TSC22D4: variants seen among roughly 807,000 people sequenced by gnomAD.
TSC22D4 encodes TSC22 domain family member 4.
Under a neutral mutation model 24.9 loss-of-function variants are expected in TSC22D4, and 5 were observed. That is an observed-to-expected ratio of 0.20 (90% CI 0.10 to 0.42). The LOEUF is 0.42. Among genes scored for constraint, TSC22D4 ranks in the 10% least tolerant of loss-of-function variants. The probability of loss-of-function intolerance (pLI) is 1.00; values close to 1 mark genes in which losing one functional copy is unlikely to be tolerated. For missense variants in TSC22D4, 469 were observed against 547.9 expected, an observed-to-expected ratio of 0.86 and a Z score of 1.44; for synonymous variants, 245 against 243.2, an observed-to-expected ratio of 1.01 and a Z score of -0.07.
chr7:100,475,169 T>C (rs368977594), intron 2 of TSC22D4, among the ~76,000 whole-genome samples: 48 of 152,252 alleles, frequency 3.2e-4, no homozygotes, highest in African/African-American at 1.2e-3. Flanking sequence ...CTGTAACCTA[T>C]GCCTTCCAGG....
At chr7:100,468,584 C>A (rs1203637762) in intron 3 of TSC22D4, among the ~76,000 whole-genome samples, 1 of 152,146 alleles carries the variant, frequency 6.6e-6, no homozygotes, top group Non-Finnish European at 1.5e-5. Context: ...CCAGAGAAGA[C>A]CAAAAATGGG....
At chr7:100,467,531 G>T (rs1169040913) in intron 4 of TSC22D4, 21 bp downstream of exon 4, 7 of 1,613,630 alleles carry the variant, frequency 4.3e-6, no homozygotes, top group African/African-American at 1.3e-5. Context: ...GACCTCCTGG[G>T]ACCAAGATGG....
At chr7:100,471,980 C>G (rs568383244) in intron 3 of TSC22D4, among the ~76,000 whole-genome samples, 2 of 152,028 alleles carry the variant, frequency 1.3e-5, no homozygotes, top group Non-Finnish European at 2.9e-5. Flanking sequence ...TTCCTTCCAT[C>G]CACTTCTTCA....
intron 3 of TSC22D4, chr7:100,473,883 CTA>C (rs1392167581): frequency 1.8e-5 from 3 of 165,488 alleles, no homozygotes; most frequent in East Asian, 3.2e-4. Flanking sequence ...TCCCAAAGCA[CTA>C]TGAGTACAGG....
At chr7:100,467,222 C>T (rs1799297520) in intron 4 of TSC22D4, 54 bp from the exon 5 acceptor site, 1 of 1,566,338 alleles carries the variant, frequency 6.4e-7, no homozygotes, top group South Asian at 1.1e-5. Flanking sequence ...TCATCCCCTG[C>T]CCAGTGCCTT....
chr7:100,478,424 C>T, intron 1 of TSC22D4, 117 bp from the exon 2 acceptor site: 2 of 192,814 alleles, frequency 1.0e-5, no homozygotes, highest in East Asian at 1.5e-4. Flanking sequence ...AGGCCACCTC[C>T]GGGGCTTCCT....
rs35439211 is a variant in TSC22D4 at position 100,478,350 on chromosome 7, A to AGTGTGT, written c.-269-49_-269-44dup. 7.7e-3 allele frequency: 644 copies of AGTGTGT among 83,730 alleles called. 11 individuals are homozygous for AGTGTGT. The highest frequency in any genetic ancestry group is 0.015 in the East Asian group (41 of 2,672). 5.2% of individuals were successfully genotyped at this position (83,730 alleles called of 1,614,324 possible). ...GAGAGAGAGAGAGAGAGAGAGAGAG[A>AGTGTGT]GTGTGTGTGTGTGTGTGTGTGTGTG... On this transcript the variant is annotated intron_variant, in intron 1 of 4. Coordinates refer to ENST00000300181, the MANE Select transcript of TSC22D4 (RefSeq NM_030935.5).
Position 100,477,658 on chromosome 7 carries a change from C to A in TSC22D4, c.381G>T (p.Arg127Ser). ...CCAGGCCGAGGCTGGCCAGCTCCAACCTGGAATCCAAAGATCTGCCCCCGG... is the reference window on the plus strand; with the variant it reads ...CCAGGCCGAGGCTGGCCAGCTCCAAACTGGAATCCAAAGATCTGCCCCCGG... ...GGAGGRSLDS[R>S]LELASLGLGA... The change falls in exon 2 of 5, where the codon AGG (arginine) becomes AGT (serine). Residue 127 changes from arginine to serine, a missense_variant. Coordinates refer to ENST00000300181, the MANE Select transcript of TSC22D4 (RefSeq NM_030935.5). The surrounding 1 kb of genome is among the most constrained non-coding windows in gnomAD (Gnocchi z 7.8). 6.3e-7 allele frequency: 1 copy of A among 1,594,012 alleles called. No individual in the cohort carries two copies. Among genetic ancestry groups the A allele is most frequent in the African/African-American group, 1.3e-5 (1 of 74,948 alleles).
chr7:100,467,838 G>C, intron 3 of TSC22D4: 1 of 689,996 alleles, frequency 1.4e-6, no homozygotes, highest in Non-Finnish European at 2.7e-6. Flanking sequence ...GAGAGCAAGG[G>C]GAAGAGGCAC....
chr7:100,472,211 CCCTGTGCACA>C (rs1799404926), intron 3 of TSC22D4, among the ~76,000 whole-genome samples: 1 of 152,288 alleles, frequency 6.6e-6, no homozygotes, highest in African/African-American at 2.4e-5. Context: ...GTCCTGCCAG[CCCTGTGCACA>C]CCAGACAGGA....
chr7:100,477,283 C>T lies in TSC22D4; in HGVS notation c.756G>A (p.Met252Ile). The T allele has an allele frequency of 1.3e-6, 2 of 1,501,942 alleles. No homozygotes were observed. Among genetic ancestry groups the T allele is most frequent in the Non-Finnish European group, 1.8e-6 (2 of 1,124,812 alleles). The allele number at this position is 1,501,942 out of a possible 1,614,324, so 93.0% of individuals were successfully genotyped here. A position where few individuals can be genotyped will look rare whatever the true frequency, so the allele number is the denominator to read the frequency against. Residue 252 changes from methionine (M) to isoleucine (I), a missense_variant, in exon 2 of 5, where the codon ATG becomes ATA. Physicochemically the swap from Met to Ile is conservative, Grantham distance 10 (BLOSUM62 1). Coordinates refer to ENST00000300181, the MANE Select transcript of TSC22D4 (RefSeq NM_030935.5). The surrounding 1 kb of genome is among the most constrained non-coding windows in gnomAD (Gnocchi z 7.8). ...CCTAGAACCCAGGTCTTACCTGCCC[C>T]ATCTCTTCTGGAGCACCCAACTCCA... ...LRMELGAPEE[M>I]GQVPPLDSRP...
chr7:100,473,752 A>ATG (rs1248466810), intron 3 of TSC22D4: 8 of 143,420 alleles, frequency 5.6e-5, no homozygotes, highest in African/African-American at 8.0e-5. Context: ...TACTTCCTTT[A>ATG]TGTATATATA....
chr7:100,467,094 C>G lies in TSC22D4; in HGVS notation c.1053G>C (p.Leu351Phe). 6.2e-7 allele frequency: 1 copy of G among 1,614,152 alleles called. No homozygotes were observed. Among genetic ancestry groups the G allele is most frequent in the African/African-American group, 1.3e-5 (1 of 75,066 alleles). The change falls in exon 5 of 5, where the codon TTG becomes TTC. Residue 351 changes from leucine to phenylalanine, a missense_variant. Physicochemically the swap from Leu to Phe is conservative, Grantham distance 22. Transcript: ENST00000300181. ...GCTCCAGCGCAGCGTTCCGCTCCGC[C>G]AATTCCCGGATCTGCTCCTTCAGCA... ...VEVLKEQIRELAERNAALEQE... is the reference protein window; with the variant it reads ...VEVLKEQIREFAERNAALEQE...
chr7:100,467,357 A>G, intron 4 of TSC22D4, 189 bp from the exon 5 acceptor site: 2 of 838,268 alleles, frequency 2.4e-6, no homozygotes, highest in Non-Finnish European at 3.9e-6. Flanking sequence ...GGGGACCAGT[A>G]GCCAGACTAG....
chr7:100,477,438 C>T lies in TSC22D4; in HGVS notation c.601G>A (p.Gly201Ser), dbSNP rs373217268. ...GCCCGGGATGTGCCCGCACTCTCAC[C>T]GGTCTCAGGCTCTGGGGGGCGCTGC... ...PQQRPPEPET[G>S]ESAGTSRAAT... Residue 201 changes from glycine to serine, a missense_variant, in exon 2 of 5, where the codon GGT becomes AGT. Physicochemically the swap from Gly to Ser is moderately conservative, Grantham distance 56 (BLOSUM62 0). Coordinates refer to ENST00000300181, the MANE Select transcript of TSC22D4 (RefSeq NM_030935.5). This position sits in a 1 kb window ranked among gnomAD's most constrained non-coding sequence, Gnocchi z 7.8. 1.8e-5 allele frequency: 29 copies of T among 1,574,468 alleles called. 1 individual carries two copies. Among genetic ancestry groups the T allele is most frequent in the African/African-American group, 2.7e-5 (2 of 73,520 alleles).
In TSC22D4 at chr7:100,477,877, GC is replaced by G. The variant is rs1229474955; in HGVS notation, c.161del (p.Gly54AlafsTer22). On this transcript the variant is annotated frameshift_variant, in exon 2 of 5. Transcript: ENST00000300181. LOFTEE classifies it high-confidence loss of function. This position sits in a 1 kb window ranked among gnomAD's most constrained non-coding sequence, Gnocchi z 7.8. ...PNGEPSPDPG[G>X]KGTPRNGSPP... ...GGGAGCCATTCCGGGGGGTGCCCTT[GC>G]CCCCCGGATCGGGGCTGGGCTCCCC... The G allele has an allele frequency of 2.5e-6, 4 of 1,581,794 alleles. No homozygotes were observed. Among genetic ancestry groups the G allele is most frequent in the African/African-American group, 1.3e-5 (1 of 74,354 alleles).
chr7:100,476,944 A>G (rs1799507058), intron 2 of TSC22D4, among the ~76,000 whole-genome samples: 1 of 152,022 alleles, frequency 6.6e-6, no homozygotes, highest in Admixed American at 6.6e-5. Context: ...TGGGGCCTCC[A>G]CCCTCATCAC....
Position 100,474,079 on chromosome 7 carries a change from G to T in TSC22D4, c.929+195C>A. The T allele has an allele frequency of 3.1e-6, 2 of 636,490 alleles. No individual in the cohort carries two copies. Among genetic ancestry groups the T allele is most frequent in the Non-Finnish European group, 5.3e-6 (2 of 378,074 alleles). 39.4% of individuals were successfully genotyped at this position (636,490 alleles called of 1,614,324 possible). A position where few individuals can be genotyped will look rare whatever the true frequency, so the allele number is the denominator to read the frequency against. On this transcript the variant is annotated intron_variant, in intron 3 of 4. Transcript: ENST00000300181. The surrounding 1 kb of genome is among the most constrained non-coding windows in gnomAD (Gnocchi z 4.3). ...GTTCTGAGCCAGGGAGTCCCACCCA[G>T]CCCTCTCCACAGAGAGGGAGTGGGT...
chr7:100,474,327 G>A lies in TSC22D4; in HGVS notation c.876C>T (p.Ser292=). 1.9e-6 allele frequency: 3 copies of A among 1,614,154 alleles called. No individual in the cohort carries two copies. The highest frequency in any genetic ancestry group is 2.5e-6 in the Non-Finnish European group (3 of 1,180,018). ...PFGAVAAQKF[S]LAHSMLAISG... ...TGATGGCCAACATGGAGTGGGCCAG[G>A]CTGAACTTCTGAGCTGCTACTGCTC... The change falls in exon 3 of 5, where the codon AGC becomes AGT. Residue 292 remains serine (S), a synonymous_variant. Transcript: ENST00000300181. The surrounding 1 kb of genome is among the most constrained non-coding windows in gnomAD (Gnocchi z 4.3).
Sources: allele counts gnomAD v4.1 joint callset (sites outside exome capture counted in the v4.1 genomes callset), GRCh38; gene constraint gnomAD v4.1.1; non-coding constraint Gnocchi (gnomAD v3.1); transcripts MANE v1.5; gene names NCBI Gene and HGNC (gene_info 2026-07-23, HGNC 2026-07-21).